The following KATNAL1 variants were observed in gnomAD, a reference collection of about 807,000 sequenced individuals.
The protein encoded by KATNAL1 is katanin catalytic subunit A1 like 1, also known as katanin p60 ATPase-containing subunit A-like 1.
Under a neutral mutation model 55.2 loss-of-function variants are expected in KATNAL1, and 32 were observed. That is an observed-to-expected ratio of 0.58 (90% CI 0.44 to 0.78). KATNAL1 has a LOEUF of 0.78. Among genes scored for constraint, KATNAL1 ranks in the 30% least tolerant of loss-of-function variants. KATNAL1 has a pLI of 0.00. For synonymous variants in KATNAL1, 193 were observed against 193.6 expected (o/e 1.00, Z 0.02); for missense variants, 466 against 600.9 (o/e 0.78, Z 2.35).
intron 3 of KATNAL1, among the ~76,000 whole-genome samples, chr13:30,268,040 T>C (rs1879917011): frequency 6.6e-6 from 1 of 152,216 alleles, no homozygotes; most frequent in Non-Finnish European, 1.5e-5. Flanking sequence ...ATGTTCTACA[T>C]TTGTGGAGTG....
intron 4 of KATNAL1, among the ~76,000 whole-genome samples, chr13:30,249,301 T>C (rs1455713589): frequency 1.3e-5 from 2 of 152,014 alleles, no homozygotes; most frequent in Admixed American, 6.5e-5. Context: ...TTCCCCTCTG[T>C]AGGTAAGAGG....
intron 9 of KATNAL1, among the ~76,000 whole-genome samples, chr13:30,222,996 GA>G (rs1226338780): frequency 6.6e-6 from 1 of 151,806 alleles, no homozygotes; most frequent in East Asian, 1.9e-4. Context: ...TCAGGAGGCT[GA>G]GGCAGCAGAA....
chr13:30,270,319 G>C (rs1454871763), intron 3 of KATNAL1, among the ~76,000 whole-genome samples: 1 of 150,768 alleles, frequency 6.6e-6, no homozygotes, highest in Admixed American at 6.6e-5. Flanking sequence ...CCCCCCGCCC[G>C]GCCAGCCGCC....
chr13:30,302,302 T>C (rs559660436), intron 1 of KATNAL1, among the ~76,000 whole-genome samples: 107 of 152,308 alleles, frequency 7.0e-4, no homozygotes, highest in Non-Finnish European at 1.2e-3. Context: ...TAAGAAACAA[T>C]GTAAGGCCAC....
chr13:30,240,425 ATTCTTATATCAAAACC>A lies in KATNAL1; in HGVS notation c.726+19_726+34del. The stretch of plus-strand genomic sequence containing the variant: ...GCCTTTCATTCCAGTGCCAAGTAGC[ATTCTTATATCAAAACC>A]AATTTAATAAATTCTCACCTTCCAT... On this transcript the variant is annotated intron_variant, in intron 6 of 10. Coordinates refer to ENST00000380615, the MANE Select transcript of KATNAL1 (RefSeq NM_032116.5). 7.2e-7 allele frequency: 1 copy of A among 1,384,810 alleles called. No homozygotes were observed. Among genetic ancestry groups the A allele is most frequent in the Non-Finnish European group, 1.0e-6 (1 of 972,488 alleles). The allele number at this position is 1,384,810 out of a possible 1,614,324, so 85.8% of individuals were successfully genotyped here. A position where few individuals can be genotyped will look rare whatever the true frequency, so the allele number is the denominator to read the frequency against.
At chr13:30,250,644 G>A (rs1878211802) in intron 4 of KATNAL1, among the ~76,000 whole-genome samples, 1 of 152,054 alleles carries the variant, frequency 6.6e-6, no homozygotes, top group Admixed American at 6.6e-5. Flanking sequence ...TCATGAGAAG[G>A]AAAGTCTTCT....
chr13:30,277,204 A>C (rs1880907171), intron 3 of KATNAL1, among the ~76,000 whole-genome samples: 1 of 152,252 alleles, frequency 6.6e-6, no homozygotes, highest in Non-Finnish European at 1.5e-5. Context: ...GAATGAGGCT[A>C]TCATTTTTAA....
Position 30,283,789 on chromosome 13 carries a change from G to C in KATNAL1, c.-12C>G. 6.3e-7 allele frequency: 1 copy of C among 1,594,220 alleles called. No homozygotes were observed. Among genetic ancestry groups the C allele is most frequent in the Non-Finnish European group, 8.6e-7 (1 of 1,168,946 alleles). ...TCAGCCAAATTCATCTTCTTTCAGA[G>C]ACCTAAACATAAAATATAATGACTT... On this transcript the variant is annotated splice_region_variant and 5_prime_UTR_variant, in exon 2 of 11. Transcript: ENST00000380615.
At position 30,215,596 on chromosome 13, in the gene KATNAL1, TA is replaced by T. The variant is rs572290365; in HGVS notation, c.1148-5155del. Among the ~76,000 whole-genome samples, 284 of 152,244 alleles carry T rather than the reference TA, an allele frequency of 1.9e-3. 1 individual carries two copies. The highest frequency in any genetic ancestry group is 6.4e-3 in the African/African-American group (265 of 41,530). ...TACACCATGGAATACTATGCAGCCA[TA>T]AAAAATGATGAGTTCATGTCCTTTG... is the stretch of plus-strand genomic sequence containing the variant. On this transcript the variant is annotated intron_variant, in intron 9 of 10. Transcript: ENST00000380615.
intron 4 of KATNAL1, among the ~76,000 whole-genome samples, chr13:30,246,166 C>A (rs563279297): frequency 4.5e-4 from 69 of 152,282 alleles, no homozygotes; most frequent in African/African-American, 1.7e-3. Flanking sequence ...GCTACAGTAA[C>A]CAAAACAGCA....
At chr13:30,280,291 T>C in intron 2 of KATNAL1, 68 bp from the exon 3 acceptor site, 1 of 1,299,096 alleles carries the variant, frequency 7.7e-7, no homozygotes, top group Non-Finnish European at 1.0e-6. Context: ...AAATAATAAA[T>C]TACTATAGAG....
intron 3 of KATNAL1, among the ~76,000 whole-genome samples, chr13:30,270,247 GT>G (rs1472332140): frequency 2.9e-5 from 4 of 137,172 alleles, no homozygotes; most frequent in Non-Finnish European, 3.4e-5. Context: ...CGGGAGGGAG[GT>G]TGGGGGGTCA....
intron 1 of KATNAL1, among the ~76,000 whole-genome samples, chr13:30,292,682 T>C (rs1882212076): frequency 6.6e-6 from 1 of 152,096 alleles, no homozygotes; most frequent in Admixed American, 6.6e-5. Flanking sequence ...GTCCTTTTTT[T>C]ATGTATCACA....
intron 9 of KATNAL1, among the ~76,000 whole-genome samples, chr13:30,223,960 C>G (rs986374812): frequency 3.9e-5 from 6 of 152,100 alleles, no homozygotes; most frequent in African/African-American, 1.4e-4. Flanking sequence ...TATGCTGAAT[C>G]ACAAATCTCA....
intron 5 of KATNAL1, 61 bp downstream of exon 5, chr13:30,240,898 C>T: frequency 6.7e-7 from 1 of 1,493,712 alleles, no homozygotes; most frequent in Non-Finnish European, 9.2e-7. Context: ...ACTCACACAC[C>T]AAGACAACCT....
At chr13:30,279,786 C>A (rs1269763872) in intron 3 of KATNAL1, among the ~76,000 whole-genome samples, 1 of 152,120 alleles carries the variant, frequency 6.6e-6, no homozygotes, top group Non-Finnish European at 1.5e-5. Flanking sequence ...CATTACGAAA[C>A]CCAAAAGACC....
rs1172210055 is a variant in KATNAL1, at chr13:30,230,571, C to T, written c.909G>A (p.Thr303=). Reference sequence around the variant, plus strand: ...TAGAATCTATCTCATCAATGAAGATCGTGGTAGGGGCATAAAATCTAGCCT... The same window carrying T: ...TAGAATCTATCTCATCAATGAAGATTGTGGTAGGGGCATAAAATCTAGCCT... ...FEMARFYAPT[T]IFIDEIDSIC... Residue 303 remains threonine, a synonymous_variant, in exon 8 of 11, where the codon ACG becomes ACA. Transcript: ENST00000380615. The T allele has an allele frequency of 9.3e-6, 15 of 1,608,236 alleles. No individual in the cohort carries two copies. The highest frequency in any genetic ancestry group is 6.7e-5 in the Admixed American group (4 of 59,640).
In KATNAL1 at chr13:30,204,421, A is replaced by T. The variant is rs12428633; in HGVS notation, c.*4119T>A. 0.18 allele frequency: 20,728 copies of T among 117,432 alleles called. 1,741 individuals are homozygous for T. The highest frequency in any genetic ancestry group is 0.24 in the Non-Finnish European group (12,167 of 51,380). 7.3% of individuals were successfully genotyped at this position (117,432 alleles called of 1,614,324 possible). ...AAATACTTGCCTAGTCCTTCATTTT[A>T]TCTCAAGTTAGGGTGGGGGGAAAGT... On this transcript the variant is annotated 3_prime_UTR_variant, in exon 11 of 11. Coordinates refer to ENST00000380615, the MANE Select transcript of KATNAL1 (RefSeq NM_032116.5).
intron 1 of KATNAL1, among the ~76,000 whole-genome samples, chr13:30,284,648 ACT>A (rs1244725893): frequency 6.6e-6 from 1 of 152,056 alleles, no homozygotes; most frequent in Non-Finnish European, 1.5e-5. Flanking sequence ...TATAAATTAC[ACT>A]CTCTGAACCC....
Sources: gnomAD v4.1 joint callset for allele counts (sites outside exome capture counted in the v4.1 genomes callset) on GRCh38, gnomAD v4.1.1 for gene constraint, MANE v1.5 for transcripts, NCBI Gene and HGNC (gene_info 2026-07-23, HGNC 2026-07-21) for gene names.